The following TTC17 variants were observed in gnomAD, a reference collection of about 807,000 sequenced individuals.
TTC17 encodes the protein tetratricopeptide repeat protein 17.
A neutral mutation model predicts 143.8 loss-of-function variants in TTC17; 58 were observed. That is an observed-to-expected ratio of 0.40 (90% CI 0.33 to 0.50). The LOEUF is 0.50. TTC17 is among the 20% of genes least tolerant of loss of function. The probability of loss-of-function intolerance (pLI) is 0.49; values close to 1 mark genes in which losing one functional copy is unlikely to be tolerated. For synonymous variants in TTC17, 501 were observed against 497.8 expected, an observed-to-expected ratio of 1.01 and a Z score of -0.09; for missense variants, 1,273 against 1,392.5, an observed-to-expected ratio of 0.91 and a Z score of 1.37.
intron 21 of TTC17, among the ~76,000 whole-genome samples, chr11:43,472,311 C>T (rs1043060072): frequency 2.6e-5 from 4 of 152,102 alleles, no homozygotes; most frequent in Non-Finnish European, 5.9e-5. Flanking sequence ...CCATTTCCCT[C>T]CAGCCTGGGT....
Position 43,492,169 on chromosome 11 carries a change from A to T in TTC17, c.3294+6A>T. The T allele has an allele frequency of 6.2e-7, 1 of 1,613,902 alleles. No homozygotes were observed. Among genetic ancestry groups the T allele is most frequent in the East Asian group, 2.2e-5 (1 of 44,878 alleles). ...GCAATGTCTACGTGGCAATGGTGAG[A>T]TGGGGGTGTGAGCAGTATGTACCAA... On this transcript the variant is annotated splice_donor_region_variant and intron_variant, in intron 23 of 23. Transcript: ENST00000039989.
At chr11:43,465,051 C>T (rs1947943624) in intron 21 of TTC17, among the ~76,000 whole-genome samples, 2 of 152,180 alleles carry the variant, frequency 1.3e-5, no homozygotes, top group African/African-American at 4.8e-5. Context: ...CTGGGGATTT[C>T]ATTTGGAAAG....
rs576737878 is a variant in TTC17 at position 43,494,089 on chromosome 11, C to G, written c.*185C>G. 1.6e-5 allele frequency: 13 copies of G among 788,180 alleles called. No individual in the cohort carries two copies. In the East Asian group the frequency reaches 3.8e-4, roughly 23 times the overall value. The allele number at this position is 788,180 out of a possible 1,614,324, so 48.8% of individuals were successfully genotyped here. On this transcript the variant is annotated 3_prime_UTR_variant, in exon 24 of 24. Transcript: ENST00000039989. ...TTTTACGTTTCTCCTTTCCCCCAAC[C>G]AACCTCAGAAGAGGCACCTTCAGAA... is the stretch of plus-strand genomic sequence containing the variant.
At chr11:43,383,556 G>A (rs1857058420) in intron 2 of TTC17, among the ~76,000 whole-genome samples, 1 of 150,892 alleles carries the variant, frequency 6.6e-6, no homozygotes, top group African/African-American at 2.4e-5. Context: ...TAGAGACAGG[G>A]TTTCACCATG....
At chr11:43,387,337 T>A (rs976986133) in intron 2 of TTC17, among the ~76,000 whole-genome samples, 4 of 152,112 alleles carry the variant, frequency 2.6e-5, no homozygotes, top group African/African-American at 9.7e-5. Context: ...CCAAATAATA[T>A]AAGCCTGGTT....
chr11:43,446,490 G>A, intron 18 of TTC17: 1 of 404,276 alleles, frequency 2.5e-6, no homozygotes, highest in Non-Finnish European at 3.3e-6. Context: ...CCTTATAACA[G>A]GTGCTCAATA....
At chr11:43,378,608 T>C (rs1389092385) in intron 1 of TTC17, among the ~76,000 whole-genome samples, 1 of 152,200 alleles carries the variant, frequency 6.6e-6, no homozygotes, top group Non-Finnish European at 1.5e-5. Flanking sequence ...GGTTATGCAA[T>C]TGTAACATTT....
At position 43,360,906 on chromosome 11, in the gene TTC17, G is replaced by C. The variant is rs1856078905; in HGVS notation, c.159+1793G>C. Among the ~76,000 whole-genome samples the C allele has an allele frequency of 4.6e-5, 7 of 152,190 alleles. No homozygotes were observed. The South Asian group carries it at 1.5e-3, about 32-fold the overall frequency. On this transcript the variant is annotated intron_variant, in intron 1 of 23. Coordinates refer to ENST00000039989, the MANE Select transcript of TTC17 (RefSeq NM_018259.6). ...AAAAAGCAAGATTTCTCTATTACAT[G>C]ACTTTTTAAGTGATCCTTTTCATTG...
In TTC17 at chr11:43,494,475, A is replaced by C. The variant is rs1474303522; in HGVS notation, c.*571A>C. On this transcript the variant is annotated 3_prime_UTR_variant, in exon 24 of 24. Transcript: ENST00000039989. ...GGAGGAAGGGGAATATGATTTTAAAAACAAAATATTTACAACAACAAAAAT... is the reference window on the plus strand; with the variant it reads ...GGAGGAAGGGGAATATGATTTTAAACACAAAATATTTACAACAACAAAAAT... 4 of 152,140 alleles carry C rather than the reference A, an allele frequency of 2.6e-5. No homozygotes were observed. The highest frequency in any genetic ancestry group is 9.7e-5 in the African/African-American group (4 of 41,416). 9.4% of individuals were successfully genotyped at this position (152,140 alleles called of 1,614,324 possible).
rs138596844 is a variant in TTC17 at position 43,440,592 on chromosome 11, T to C, written c.2252-2733T>C. Among the ~76,000 whole-genome samples, 902 of 152,326 alleles carry C rather than the reference T, an allele frequency of 5.9e-3. 6 individuals carry two copies. The highest frequency in any genetic ancestry group is 0.02 in the African/African-American group (826 of 41,572). ...TTAAGACAACCTACTTCTGTAACTC[T>C]TATAAAGATTATTCAATACCTTTCT... is the stretch of plus-strand genomic sequence containing the variant. On this transcript the variant is annotated intron_variant, in intron 16 of 23. Coordinates refer to ENST00000039989, the MANE Select transcript of TTC17 (RefSeq NM_018259.6).
Position 43,448,121 on chromosome 11 carries a change from GAGTA to G in TTC17, c.2786+4_2786+7del. On this transcript the variant is annotated splice_donor_variant and splice_donor_region_variant and coding_sequence_variant and intron_variant, in exon 19 of 24. Transcript: ENST00000039989. LOFTEE classifies it high-confidence loss of function. ...GCTTGCAGTTTCTTCAAAAAACATT[GAGTA>G]AGTATGTTAAGCCTCTCCCTCCTTT... The G allele has an allele frequency of 6.2e-7, 1 of 1,613,982 alleles. No homozygotes were observed. Among genetic ancestry groups the G allele is most frequent in the Non-Finnish European group, 8.5e-7 (1 of 1,179,926 alleles).
In TTC17 at chr11:43,494,044, G is replaced by T; in HGVS notation, c.*140G>T. ...CTTATAACAGGACTTTTACATATGT[G>T]GGAATTGGTTTGTTTTTGTTTTTAC... On this transcript the variant is annotated 3_prime_UTR_variant, in exon 24 of 24. Transcript: ENST00000039989. The T allele has an allele frequency of 8.0e-7, 1 of 1,250,038 alleles. No homozygotes were observed. Among genetic ancestry groups the T allele is most frequent in the Non-Finnish European group, 1.1e-6 (1 of 935,350 alleles). 77.4% of individuals were successfully genotyped at this position (1,250,038 alleles called of 1,614,324 possible). A position where few individuals can be genotyped will look rare whatever the true frequency, so the allele number is the denominator to read the frequency against.
At chr11:43,407,316 A>G (rs1354303176) in intron 14 of TTC17, 37 bp from the exon 15 acceptor site, 1 of 1,595,180 alleles carries the variant, frequency 6.3e-7, no homozygotes. Context: ...CAAGTACTGT[A>G]TTCTTGTACT....
rs77457182 is a variant in TTC17, at chr11:43,419,133, T to G, written c.2251+4357T>G. Reference sequence around the variant, plus strand: ...GAGCTCTGGTCATTTCTTAATTAATTGAGGCACACGCCTACTTAAAAAAAT... The same window carrying G: ...GAGCTCTGGTCATTTCTTAATTAATGGAGGCACACGCCTACTTAAAAAAAT... On this transcript the variant is annotated intron_variant, in intron 16 of 23. Coordinates refer to ENST00000039989, the MANE Select transcript of TTC17 (RefSeq NM_018259.6). Among the ~76,000 whole-genome samples the G allele has an allele frequency of 9.2e-3, 1,403 of 152,294 alleles. 22 individuals are homozygous for G. Among genetic ancestry groups the G allele is most frequent in the African/African-American group, 0.033 (1,352 of 41,580 alleles).
chr11:43,367,339 T>A (rs979534666), intron 1 of TTC17, among the ~76,000 whole-genome samples: 9 of 152,166 alleles, frequency 5.9e-5, no homozygotes, highest in Admixed American at 5.9e-4. Context: ...CCAGTTTAGA[T>A]ATCTAAAAGG....
intron 21 of TTC17, among the ~76,000 whole-genome samples, chr11:43,481,519 T>C (rs972045959): frequency 6.6e-6 from 1 of 152,188 alleles, no homozygotes; most frequent in East Asian, 1.9e-4. Flanking sequence ...GAGTTCTCTT[T>C]GTGGGAGGTT....
intron 16 of TTC17, among the ~76,000 whole-genome samples, chr11:43,420,478 C>T (rs965213438): frequency 2.0e-5 from 3 of 152,154 alleles, no homozygotes; most frequent in African/African-American, 7.2e-5. Flanking sequence ...AATGGTCTCT[C>T]AGTTTAACAT....
chr11:43,370,873 C>T (rs1856541811), intron 1 of TTC17, among the ~76,000 whole-genome samples: 1 of 152,164 alleles, frequency 6.6e-6, no homozygotes, highest in African/African-American at 2.4e-5. Flanking sequence ...GTGGCACGAT[C>T]ATGGCTCGTT....
In TTC17 at chr11:43,477,070, T is replaced by C. The variant is rs1308231432; in HGVS notation, c.3031-13169T>C. On this transcript the variant is annotated intron_variant, in intron 21 of 23. Coordinates refer to ENST00000039989, the MANE Select transcript of TTC17 (RefSeq NM_018259.6). ...TAAATCATCTCTCTCAAGTTCAAAG[T>C]TCCACAAATCTCTAGGACAGGGGCA... Among the ~76,000 whole-genome samples the C allele has an allele frequency of 4.6e-5, 7 of 152,294 alleles. No individual in the cohort carries two copies. The East Asian group carries it at 7.7e-4, about 17-fold the overall frequency.
Sources: allele counts gnomAD v4.1 joint callset (sites outside exome capture counted in the v4.1 genomes callset), GRCh38; gene constraint gnomAD v4.1.1; transcripts MANE v1.5; gene names NCBI Gene and HGNC (gene_info 2026-07-23, HGNC 2026-07-21).